XPO6: variants seen among roughly 807,000 people sequenced by gnomAD.
XPO6 encodes exportin-6.
XPO6 carries 3 observed loss-of-function variants against 130.0 expected under a neutral mutation model. The observed-to-expected ratio is 0.02, with a 90% CI of 0.01 to 0.06. The LOEUF is 0.06. Ranked by LOEUF, XPO6 falls within the 10% of genes least tolerant of loss-of-function variation. The pLI is 1.00. For missense variants in XPO6, 970 were observed against 1,393.0 expected, an observed-to-expected ratio of 0.70 and a Z score of 4.83; for synonymous variants, 524 against 548.9, an observed-to-expected ratio of 0.95 and a Z score of 0.63.
chr16:28,133,978 A>G lies in XPO6; in HGVS notation c.1444-45T>C, dbSNP rs759748499. 37 of 1,598,084 alleles carry G rather than the reference A, an allele frequency of 2.3e-5. 1 individual carries two copies. Among genetic ancestry groups the G allele is most frequent in the Non-Finnish European group, 3.1e-5 (36 of 1,167,884 alleles). ...GAATCAGCTCTCCCAGAATCCTCTCATCTTCCTTGCCAACCTCAAGACCAC... is the reference window on the plus strand; with the variant it reads ...GAATCAGCTCTCCCAGAATCCTCTCGTCTTCCTTGCCAACCTCAAGACCAC... On this transcript the variant is annotated intron_variant, in intron 10 of 23. Coordinates refer to ENST00000304658, the MANE Select transcript of XPO6 (RefSeq NM_015171.4).
At chr16:28,183,633 C>T (rs2141876420) in intron 1 of XPO6, among the ~76,000 whole-genome samples, 1 of 152,258 alleles carries the variant, frequency 6.6e-6, no homozygotes, top group Middle Eastern at 3.4e-3. Context: ...TCAGGCGATC[C>T]ATGTAAAACT....
At chr16:28,113,431 GC>G (rs2086979056) in intron 15 of XPO6, among the ~76,000 whole-genome samples, 2 of 152,218 alleles carry the variant, frequency 1.3e-5, no homozygotes, top group Middle Eastern at 3.4e-3. Context: ...ATCTCCCCGA[GC>G]CCCCGACTCT....
intron 9 of XPO6, among the ~76,000 whole-genome samples, chr16:28,137,949 G>A (rs982573930): frequency 6.6e-6 from 1 of 151,964 alleles, no homozygotes; most frequent in African/African-American, 2.4e-5. Flanking sequence ...CCGACAGCTC[G>A]TTTCTTAACT....
chr16:28,113,005 G>C lies in XPO6; in HGVS notation c.2050C>G (p.Leu684Val). The C allele has an allele frequency of 6.2e-7, 1 of 1,614,162 alleles. No homozygotes were observed. The highest frequency in any genetic ancestry group is 8.5e-7 in the Non-Finnish European group (1 of 1,180,022). Residue 684 changes from leucine to valine, a missense_variant, in exon 16 of 24, where the codon CTG becomes GTG. Transcript: ENST00000304658. ...LLSACHLLVS[L>V]ATTVRPVFLI... ...AAGACGGGCCGCACGGTGGTGGCCAGTGAGACCAGTAAGTGGCACGCAGAT... is the reference window on the plus strand; with the variant it reads ...AAGACGGGCCGCACGGTGGTGGCCACTGAGACCAGTAAGTGGCACGCAGAT...
chr16:28,119,422 G>A (rs1219801439), intron 14 of XPO6, among the ~76,000 whole-genome samples: 1 of 152,180 alleles, frequency 6.6e-6, no homozygotes. Context: ...CATTGCCTAT[G>A]TAGTAACCTT....
intron 21 of XPO6, among the ~76,000 whole-genome samples, chr16:28,103,303 C>T (rs2086692833): frequency 6.6e-6 from 1 of 152,196 alleles, no homozygotes; most frequent in South Asian, 2.1e-4. Context: ...CTCATCTATG[C>T]TGCTGATTGT....
At chr16:28,192,962 A>G (rs1650852746) in intron 1 of XPO6, among the ~76,000 whole-genome samples, 1 of 152,166 alleles carries the variant, frequency 6.6e-6, no homozygotes, top group South Asian at 2.1e-4. Flanking sequence ...TACTGAGTCT[A>G]GTCTGTGGCA....
chr16:28,160,683 G>T (rs2043263759), intron 6 of XPO6, among the ~76,000 whole-genome samples: 1 of 151,670 alleles, frequency 6.6e-6, no homozygotes, highest in African/African-American at 2.4e-5. Context: ...ATTTTATTTT[G>T]TACTTTACAG....
In XPO6 at chr16:28,184,666, G is replaced by T. The variant is rs942155808; in HGVS notation, c.4-3635C>A. Among the ~76,000 whole-genome samples, 3 of 151,002 alleles carry T rather than the reference G, an allele frequency of 2.0e-5. No individual in the cohort carries two copies. In the Middle Eastern group the frequency reaches 0.01, roughly 521 times the overall value. ...AGGCAAATAATTAATTATAAAAGAG[G>T]GTATTCAAAAAGCCTATAAATAAGT... On this transcript the variant is annotated intron_variant, in intron 1 of 23. Coordinates refer to ENST00000304658, the MANE Select transcript of XPO6 (RefSeq NM_015171.4).
At chr16:28,108,497 C>T (rs2086836120) in intron 17 of XPO6, among the ~76,000 whole-genome samples, 1 of 152,130 alleles carries the variant, frequency 6.6e-6, no homozygotes, top group African/African-American at 2.4e-5. Flanking sequence ...GACAAGGTCC[C>T]GAACGATGCT....
intron 6 of XPO6, among the ~76,000 whole-genome samples, chr16:28,164,392 T>C (rs1206014921): frequency 6.6e-6 from 1 of 152,184 alleles, no homozygotes. Flanking sequence ...ATCAGCACTG[T>C]CCAAATAGTG....
At chr16:28,154,825 C>T (rs2043158089) in intron 7 of XPO6, among the ~76,000 whole-genome samples, 1 of 149,992 alleles carries the variant, frequency 6.7e-6, no homozygotes, top group Non-Finnish European at 1.5e-5. Flanking sequence ...TTTAAATTAA[C>T]ATATGAAGAG....
At chr16:28,209,911 G>A (rs1392826865) in intron 1 of XPO6, among the ~76,000 whole-genome samples, 1 of 152,082 alleles carries the variant, frequency 6.6e-6, no homozygotes, top group Non-Finnish European at 1.5e-5. Context: ...GGCTGAGGAG[G>A]ACGGATCACT....
At chr16:28,146,025 C>T in intron 9 of XPO6, 69 bp downstream of exon 9, 1 of 1,203,506 alleles carries the variant, frequency 8.3e-7, no homozygotes. Flanking sequence ...AAATGCATGG[C>T]TGTCTCTTAG....
At chr16:28,188,918 G>A (rs575085174) in intron 1 of XPO6, among the ~76,000 whole-genome samples, 8 of 152,072 alleles carry the variant, frequency 5.3e-5, no homozygotes, top group African/African-American at 1.7e-4. Flanking sequence ...CTCTCCCTCC[G>A]GTCACTACTG....
intron 6 of XPO6, 76 bp from the exon 7 acceptor site, chr16:28,156,603 AAAAT>A: frequency 3.2e-6 from 3 of 932,858 alleles, no homozygotes; most frequent in Middle Eastern, 3.0e-4. Context: ...CTCCTTCAAA[AAAAT>A]ATATATATAT....
chr16:28,172,890 TAC>T (rs2141856974), intron 4 of XPO6, among the ~76,000 whole-genome samples: 1 of 152,318 alleles, frequency 6.6e-6, no homozygotes, highest in South Asian at 2.1e-4. Flanking sequence ...AGAAAATGTT[TAC>T]AGTTAGCCCT....
At chr16:28,110,571 G>A (rs569145714) in intron 17 of XPO6, among the ~76,000 whole-genome samples, 2 of 152,226 alleles carry the variant, frequency 1.3e-5, no homozygotes, top group Non-Finnish European at 2.9e-5. Context: ...GCATATCCTC[G>A]CCCATGCAGA....
chr16:28,192,768 G>A (rs900759935), intron 1 of XPO6, among the ~76,000 whole-genome samples: 1 of 152,160 alleles, frequency 6.6e-6, no homozygotes, highest in Non-Finnish European at 1.5e-5. Flanking sequence ...CTGGTGTGCA[G>A]TCAAAACCCC....
Sources: allele counts gnomAD v4.1 joint callset (sites outside exome capture counted in the v4.1 genomes callset), GRCh38; gene constraint gnomAD v4.1.1; transcripts MANE v1.5; gene names NCBI Gene and HGNC (gene_info 2026-07-23, HGNC 2026-07-21).